The following CPEB2 variants were observed in gnomAD, a reference collection of about 807,000 sequenced individuals.
CPEB2 encodes cytoplasmic polyadenylation element-binding protein 2.
CPEB2 carries 56 observed loss-of-function variants against 93.6 expected under a neutral mutation model. The ratio of observed to expected loss-of-function variants is 0.60; its 90% CI spans 0.48 to 0.75. The LOEUF (loss-of-function observed/expected upper bound fraction) is 0.75, where lower values mean the gene tolerates loss of function less well. CPEB2 is among the 30% of genes least tolerant of loss of function. CPEB2 has a pLI of 0.00. For missense variants in CPEB2, 1,579 were observed against 1,395.1 expected (o/e 1.13, Z -2.10); for synonymous variants, 764 against 586.3 (o/e 1.30, Z -4.38).
intron 4 of CPEB2, among the ~76,000 whole-genome samples, chr4:15,023,002 A>G (rs1221014776): frequency 2.6e-5 from 4 of 152,012 alleles, no homozygotes; most frequent in Non-Finnish European, 4.4e-5. Context: ...TCTTCCAAGC[A>G]TCTTTGAATA....
At position 15,040,347 on chromosome 4, in the gene CPEB2, A is replaced by AAATTT. The variant is rs1263612935; in HGVS notation, c.2177-115_2177-114insTTTAA. The AAATTT allele has an allele frequency of 3.3e-6, 3 of 896,278 alleles. No individual in the cohort carries two copies. The East Asian group carries it at 8.0e-5, about 24-fold the overall frequency. 55.5% of individuals were successfully genotyped at this position (896,278 alleles called of 1,614,324 possible). A position where few individuals can be genotyped will look rare whatever the true frequency, so the allele number is the denominator to read the frequency against. ...TATGGTGACATTGTCATTGCTCTTA[A>AAATTT]AACAAAGTAGCACTAATTTTCAGAT... On this transcript the variant is annotated intron_variant, in intron 5 of 11. Transcript: ENST00000538197.
chr4:15,039,638 T>G (rs1726981479), intron 5 of CPEB2, among the ~76,000 whole-genome samples: 1 of 152,142 alleles, frequency 6.6e-6, no homozygotes, highest in Non-Finnish European at 1.5e-5. Context: ...AAACTAGTAG[T>G]TTCTTATGAA....
At chr4:15,017,147 A>G (rs1281136972) in intron 3 of CPEB2, 41 bp from the exon 4 acceptor site, 1 of 1,146,608 alleles carries the variant, frequency 8.7e-7, no homozygotes, top group East Asian at 2.4e-5. Context: ...TTTTGAAAAA[A>G]CTGCATAGAT....
intron 3 of CPEB2, among the ~76,000 whole-genome samples, chr4:15,012,011 G>A (rs1723557743): frequency 6.6e-6 from 1 of 152,102 alleles, no homozygotes; most frequent in Non-Finnish European, 1.5e-5. Context: ...TTGGAGATCT[G>A]TCTCAGAAAA....
intron 6 of CPEB2, among the ~76,000 whole-genome samples, chr4:15,045,857 A>G (rs1577440529): frequency 1.3e-5 from 2 of 152,220 alleles, no homozygotes; most frequent in East Asian, 1.9e-4. Context: ...TTAAATATTT[A>G]TAAGTATCAG....
chr4:15,011,726 A>G (rs1296154556), intron 3 of CPEB2, among the ~76,000 whole-genome samples: 1 of 152,196 alleles, frequency 6.6e-6, no homozygotes, highest in Non-Finnish European at 1.5e-5. Flanking sequence ...CCTTTAAGTG[A>G]GGTTATTATT....
At chr4:15,050,021 T>G (rs1268925472) in intron 6 of CPEB2, among the ~76,000 whole-genome samples, 1 of 152,180 alleles carries the variant, frequency 6.6e-6, no homozygotes, top group African/African-American at 2.4e-5. Context: ...TGATTTAATA[T>G]ATAAACAAAT....
intron 4 of CPEB2, among the ~76,000 whole-genome samples, chr4:15,018,922 G>C (rs1724477323): frequency 7.6e-6 from 1 of 132,426 alleles, no homozygotes; most frequent in Non-Finnish European, 1.6e-5. Context: ...AGCATTATAA[G>C]GCTAAGGGGA....
chr4:15,032,145 C>T (rs569019643), intron 4 of CPEB2, among the ~76,000 whole-genome samples: 340 of 152,160 alleles, frequency 2.2e-3, no homozygotes, highest in Middle Eastern at 0.01. Flanking sequence ...TTGCTCAGGC[C>T]GGAGTGCATT....
Position 15,066,398 on chromosome 4 carries a change from C to T in CPEB2, c.*18C>T. ...GGAACTAAGAATAGCAAACTGGCCT[C>T]TGTTTAACAAGGAAAGAAAGGGTGC... On this transcript the variant is annotated 3_prime_UTR_variant, in exon 12 of 12. Coordinates refer to ENST00000538197, the MANE Select transcript of CPEB2 (RefSeq NM_001177382.2). The T allele has an allele frequency of 6.4e-7, 1 of 1,552,202 alleles. No individual in the cohort carries two copies. Among genetic ancestry groups the T allele is most frequent in the South Asian group, 1.2e-5 (1 of 86,610 alleles).
intron 4 of CPEB2, among the ~76,000 whole-genome samples, chr4:15,020,184 C>T (rs1352456258): frequency 6.6e-6 from 1 of 152,058 alleles, no homozygotes; most frequent in African/African-American, 2.4e-5. Flanking sequence ...TCTTCTATGT[C>T]CTAGCCTTAG....
chr4:15,036,447 A>C (rs1199962748), intron 5 of CPEB2, among the ~76,000 whole-genome samples: 1 of 150,984 alleles, frequency 6.6e-6, no homozygotes, highest in Non-Finnish European at 1.5e-5. Context: ...CCAAAGGTGA[A>C]GTACTTCTGA....
intron 1 of CPEB2, 151 bp downstream of exon 1, chr4:15,004,486 G>T: frequency 1.7e-6 from 1 of 575,628 alleles, no homozygotes; most frequent in Non-Finnish European, 2.8e-6. Context: ...AACTGAGGGC[G>T]GACAACCGTG....
At chr4:15,032,200 T>C (rs1230875250) in intron 4 of CPEB2, among the ~76,000 whole-genome samples, 1 of 152,118 alleles carries the variant, frequency 6.6e-6, no homozygotes, top group Non-Finnish European at 1.5e-5. Context: ...TGGGCTCAAG[T>C]GATCTTCCTT....
At position 15,003,042 on chromosome 4, in the gene CPEB2, C is replaced by T; in HGVS notation, c.369C>T (p.Pro123=). Residue 123 remains proline, a synonymous_variant, in exon 1 of 12, where the codon CCC becomes CCT. Transcript: ENST00000538197. Reference sequence around the variant, plus strand: ...CGGAGAAACTCCCCGACCACCACCCCGGCGGCGGCACGATCGCGGGTGTGA... The same window carrying T: ...CGGAGAAACTCCCCGACCACCACCCTGGCGGCGGCACGATCGCGGGTGTGA... ...AATEKLPDHH[P]GGGTIAGVTH... 2.0e-6 allele frequency: 3 copies of T among 1,511,838 alleles called. No homozygotes were observed. The highest frequency in any genetic ancestry group is 2.5e-5 in the East Asian group (1 of 40,566). 93.7% of individuals were successfully genotyped at this position (1,511,838 alleles called of 1,614,324 possible).
chr4:15,048,699 T>A (rs1380370652), intron 6 of CPEB2, among the ~76,000 whole-genome samples: 3 of 152,062 alleles, frequency 2.0e-5, no homozygotes, highest in Non-Finnish European at 4.4e-5. Context: ...TTTAAAACTA[T>A]GAATTTTCCT....
At chr4:15,024,962 G>T (rs1026584431) in intron 4 of CPEB2, among the ~76,000 whole-genome samples, 1 of 151,766 alleles carries the variant, frequency 6.6e-6, no homozygotes, top group African/African-American at 2.4e-5. Context: ...GGCCAAGCTG[G>T]TCTCGAACTC....
chr4:15,003,845 C>T lies in CPEB2; in HGVS notation c.1172C>T (p.Pro391Leu). ...TPWSVQTASPPPQPQQPPPTQ... is the reference protein window; with the variant it reads ...TPWSVQTASPLPQPQQPPPTQ... The stretch of plus-strand genomic sequence containing the variant: ...TGGTCGGTGCAGACCGCGTCGCCGC[C>T]ACCCCAGCCCCAGCAGCCGCCGCCG... Residue 391 changes from proline to leucine, a missense_variant, in exon 1 of 12, where the codon CCA becomes CTA. Pro to Leu is a moderately conservative substitution (Grantham distance 98). Coordinates refer to ENST00000538197, the MANE Select transcript of CPEB2 (RefSeq NM_001177382.2). 1 of 887,312 alleles carries T rather than the reference C, an allele frequency of 1.1e-6. No homozygotes were observed. Among genetic ancestry groups the T allele is most frequent in the Non-Finnish European group, 1.5e-6 (1 of 673,860 alleles). The allele number at this position is 887,312 out of a possible 1,614,324, so 55.0% of individuals were successfully genotyped here.
Position 15,033,156 on chromosome 4 carries a change from T to C in CPEB2, c.2126-5T>C, listed in dbSNP as rs749572354. ...TTCAAACTCACCTTTCCTGTCTTTT[T>C]AAAGGTCGATTGAGCTATCCACATC... On this transcript the variant is annotated splice_polypyrimidine_tract_variant and splice_region_variant and intron_variant, in intron 4 of 11. Coordinates refer to ENST00000538197, the MANE Select transcript of CPEB2 (RefSeq NM_001177382.2). 34 of 1,599,390 alleles carry C rather than the reference T, an allele frequency of 2.1e-5. No homozygotes were observed. The African/African-American group carries it at 3.2e-4, about 15-fold the overall frequency.
Sources: gnomAD v4.1 joint callset for allele counts (sites outside exome capture counted in the v4.1 genomes callset) on GRCh38, gnomAD v4.1.1 for gene constraint, MANE v1.5 for transcripts, NCBI Gene and HGNC (gene_info 2026-07-23, HGNC 2026-07-21) for gene names.